The following FGF12 variants were observed in gnomAD, a reference collection of about 807,000 sequenced individuals.
FGF12 encodes fibroblast growth factor 12.
A neutral mutation model predicts 23.6 loss-of-function variants in FGF12; 14 were observed. The ratio of observed to expected loss-of-function variants is 0.59; its 90% confidence interval spans 0.39 to 0.93. FGF12 has a LOEUF of 0.93. Among genes scored for constraint, FGF12 ranks in the 40% least tolerant of loss-of-function variants. The pLI is 0.00. For missense variants in FGF12, 175 were observed against 217.8 expected, an observed-to-expected ratio of 0.80 and a Z score of 1.24; for synonymous variants, 62 against 77.3, an observed-to-expected ratio of 0.80 and a Z score of 1.04.
At chr3:192,647,689 ATATGTATATATG>A (rs1330874076) in intron 2 of FGF12, among the ~76,000 whole-genome samples, 16 of 147,614 alleles carry the variant, frequency 1.1e-4, no homozygotes, top group Non-Finnish European at 2.1e-4. Flanking sequence ...ATATACATAT[ATATGTATATATG>A]TGTATATATA....
chr3:192,614,614 A>ATT (rs911571868), intron 2 of FGF12, among the ~76,000 whole-genome samples: 2 of 152,026 alleles, frequency 1.3e-5, no homozygotes, highest in African/African-American at 4.8e-5. Context: ...TAGAATTTAG[A>ATT]TTTTTTAAAA....
chr3:192,283,621 AC>A (rs909929526), intron 4 of FGF12, among the ~76,000 whole-genome samples: 5 of 151,912 alleles, frequency 3.3e-5, no homozygotes, highest in African/African-American at 4.8e-5. Context: ...GTAAATTGTC[AC>A]CCCTTTATTT....
At chr3:192,698,009 A>G (rs1577127822) in intron 2 of FGF12, among the ~76,000 whole-genome samples, 1 of 151,528 alleles carries the variant, frequency 6.6e-6, no homozygotes, top group Admixed American at 6.6e-5. Flanking sequence ...TTTTCATGAT[A>G]CTTGCCAACA....
chr3:192,167,094 T>G (rs532605379), intron 5 of FGF12, among the ~76,000 whole-genome samples: 1 of 149,218 alleles, frequency 6.7e-6, no homozygotes, highest in South Asian at 2.1e-4. Context: ...TGAAGCAGAG[T>G]TTTTAGTGTC....
intron 2 of FGF12, among the ~76,000 whole-genome samples, chr3:192,667,402 G>A (rs925802519): frequency 6.6e-6 from 1 of 151,746 alleles, no homozygotes; most frequent in Admixed American, 6.6e-5. Flanking sequence ...TCAGGAATTG[G>A]AGACCAGGCT....
chr3:192,370,313 A>T (rs1343464555), intron 2 of FGF12, among the ~76,000 whole-genome samples: 1 of 152,148 alleles, frequency 6.6e-6, no homozygotes, highest in Non-Finnish European at 1.5e-5. Flanking sequence ...TGTATGTGCC[A>T]CTCTGTAAAT....
At position 192,456,663 on chromosome 3, in the gene FGF12, A is replaced by G. The variant is rs1367381901; in HGVS notation, c.14-96125T>C. On this transcript the variant is annotated intron_variant, in intron 2 of 5. Coordinates refer to ENST00000445105, the MANE Select transcript of FGF12 (RefSeq NM_004113.6). ...AAAATGAAATGACTTAAATACCACCACCTAGAACATTTTATGTATGAACTC... is the reference window on the plus strand; with the variant it reads ...AAAATGAAATGACTTAAATACCACCGCCTAGAACATTTTATGTATGAACTC... Among the ~76,000 whole-genome samples, 5 of 152,176 alleles carry G rather than the reference A, an allele frequency of 3.3e-5. No individual in the cohort carries two copies. In the East Asian group the frequency reaches 9.6e-4, roughly 29 times the overall value.
intron 4 of FGF12, among the ~76,000 whole-genome samples, chr3:192,236,747 G>A (rs571886090): frequency 6.6e-6 from 1 of 152,060 alleles, no homozygotes; most frequent in Non-Finnish European, 1.5e-5. Flanking sequence ...GTCATTGCAT[G>A]TGAGATGGAT....
At chr3:192,511,003 C>T (rs1245362743) in intron 2 of FGF12, among the ~76,000 whole-genome samples, 3 of 152,060 alleles carry the variant, frequency 2.0e-5, no homozygotes, top group Admixed American at 6.5e-5. Flanking sequence ...TTTATAGGAT[C>T]GTTGAGGTTT....
chr3:192,720,507 C>A (rs934653365), intron 2 of FGF12, among the ~76,000 whole-genome samples: 1 of 152,120 alleles, frequency 6.6e-6, no homozygotes, highest in Non-Finnish European at 1.5e-5. Flanking sequence ...TGACATAGAT[C>A]CTTAAAAAAT....
At chr3:192,374,931 G>C (rs149969609) in intron 2 of FGF12, among the ~76,000 whole-genome samples, 185 of 152,220 alleles carry the variant, frequency 1.2e-3, no homozygotes, top group African/African-American at 4.1e-3. Flanking sequence ...AACCATTACA[G>C]TCATCTCTTT....
At chr3:192,222,601 C>T (rs1718533061) in intron 4 of FGF12, among the ~76,000 whole-genome samples, 1 of 152,098 alleles carries the variant, frequency 6.6e-6, no homozygotes, top group African/African-American at 2.4e-5. Context: ...TATGTCTCTC[C>T]TCCACACTCA....
chr3:192,562,885 G>T lies in FGF12; in HGVS notation c.13+164296C>A, dbSNP rs535897767. On this transcript the variant is annotated intron_variant, in intron 2 of 5. Transcript: ENST00000445105. ...TATCTCTCTTATTCACACTGTCATT[G>T]TTCATCCTGAACGTTCTCTATCAAG... Among the ~76,000 whole-genome samples the T allele has an allele frequency of 2.0e-5, 3 of 152,112 alleles. No homozygotes were observed. In the South Asian group the frequency reaches 6.2e-4, roughly 32 times the overall value.
intron 4 of FGF12, among the ~76,000 whole-genome samples, chr3:192,291,020 A>G (rs1174043299): frequency 6.6e-6 from 1 of 152,118 alleles, no homozygotes. Context: ...TTATCTATCT[A>G]TCTACATATA....
intron 2 of FGF12, among the ~76,000 whole-genome samples, chr3:192,494,639 C>G (rs749868284): frequency 3.9e-5 from 6 of 152,074 alleles, no homozygotes; most frequent in Non-Finnish European, 8.8e-5. Context: ...TCCTCCTTCC[C>G]ACCTGCAAAT....
intron 4 of FGF12, among the ~76,000 whole-genome samples, chr3:192,329,988 T>A (rs1337649493): frequency 6.6e-6 from 1 of 152,198 alleles, no homozygotes; most frequent in Non-Finnish European, 1.5e-5. Flanking sequence ...TGTTATTTAA[T>A]ACCATTAAAA....
At chr3:192,575,931 G>C (rs1006602366) in intron 2 of FGF12, among the ~76,000 whole-genome samples, 1 of 151,870 alleles carries the variant, frequency 6.6e-6, no homozygotes, top group African/African-American at 2.4e-5. Flanking sequence ...TATGAAAAAG[G>C]TACTTGAAAA....
intron 2 of FGF12, among the ~76,000 whole-genome samples, chr3:192,685,708 G>A (rs1018658756): frequency 1.3e-5 from 2 of 151,642 alleles, no homozygotes; most frequent in South Asian, 2.1e-4. Context: ...GGAGAGAATC[G>A]GACTTCAGGC....
intron 2 of FGF12, among the ~76,000 whole-genome samples, chr3:192,583,652 T>C (rs1157463802): frequency 3.9e-5 from 6 of 152,156 alleles, no homozygotes; most frequent in Non-Finnish European, 5.9e-5. Flanking sequence ...CTACCTACAA[T>C]TGAAGAGCAA....
Sources: allele counts gnomAD v4.1 joint callset (sites outside exome capture counted in the v4.1 genomes callset), GRCh38; gene constraint gnomAD v4.1.1; transcripts MANE v1.5; gene names NCBI Gene and HGNC (gene_info 2026-07-23, HGNC 2026-07-21).